SLC23A2: variants seen among roughly 807,000 people sequenced by gnomAD.
The protein encoded by SLC23A2 is solute carrier family 23 member 2, also known as Na(+)/L-ascorbic acid transporter 2.
In SLC23A2, 36 loss-of-function variants were observed where a neutral mutation model predicts 73.3. The ratio of observed to expected loss-of-function variants is 0.49; its 90% CI spans 0.38 to 0.65. The LOEUF is 0.65. SLC23A2 is among the 30% of genes least tolerant of loss of function. SLC23A2 has a pLI of 0.00. For synonymous variants in SLC23A2, 343 were observed against 327.3 expected, an observed-to-expected ratio of 1.05 and a Z score of -0.52; for missense variants, 507 against 841.6, an observed-to-expected ratio of 0.60 and a Z score of 4.92.
chr20:4,878,018 C>A (rs1216533340), intron 9 of SLC23A2, among the ~76,000 whole-genome samples: 1 of 152,206 alleles, frequency 6.6e-6, no homozygotes, highest in African/African-American at 2.4e-5. Flanking sequence ...GGAGGATAAA[C>A]CTTTTTCACA....
chr20:4,923,209 C>A (rs1486828456), intron 3 of SLC23A2, among the ~76,000 whole-genome samples: 5 of 149,052 alleles, frequency 3.4e-5, no homozygotes, highest in Non-Finnish European at 7.4e-5. Flanking sequence ...GAGTTCGAGA[C>A]CAGCCTGGGC....
Position 4,951,906 on chromosome 20 carries a change from C to T in SLC23A2, c.-155+18887G>A, listed in dbSNP as rs190762166. On this transcript the variant is annotated intron_variant, in intron 2 of 16. Coordinates refer to ENST00000338244, the MANE Select transcript of SLC23A2 (RefSeq NM_005116.6). Reference sequence around the variant, plus strand: ...TCACCTAAGGTCAGGAGTTTGAGACCAGCCTGGCCAACACAGTGAAATCCC... The same window carrying T: ...TCACCTAAGGTCAGGAGTTTGAGACTAGCCTGGCCAACACAGTGAAATCCC... Among the ~76,000 whole-genome samples, 433 of 151,802 alleles carry T rather than the reference C, an allele frequency of 2.9e-3. 5 individuals are homozygous for T. Among genetic ancestry groups the T allele is most frequent in the Non-Finnish European group, 3.7e-3 (250 of 67,924 alleles).
At chr20:4,986,088 T>C (rs574483498) in intron 1 of SLC23A2, among the ~76,000 whole-genome samples, 1 of 152,262 alleles carries the variant, frequency 6.6e-6, no homozygotes, top group Admixed American at 6.5e-5. Context: ...TCAAAGGCCT[T>C]ACTTAAAGGT....
intron 1 of SLC23A2, among the ~76,000 whole-genome samples, chr20:4,991,223 A>G (rs2122325713): frequency 6.6e-6 from 1 of 152,050 alleles, no homozygotes; most frequent in East Asian, 1.9e-4. Context: ...TCTTCCCACA[A>G]TCAGCCTCCC....
intron 3 of SLC23A2, among the ~76,000 whole-genome samples, chr20:4,916,152 G>A (rs950231189): frequency 6.6e-6 from 1 of 152,122 alleles, no homozygotes; most frequent in Admixed American, 6.5e-5. Context: ...TGGCTGCTGG[G>A]AGGATACACA....
chr20:4,980,672 AGGTGG>A (rs2087712597), intron 1 of SLC23A2, among the ~76,000 whole-genome samples: 1 of 151,944 alleles, frequency 6.6e-6, no homozygotes, highest in Admixed American at 6.6e-5. Flanking sequence ...CTGGGATTAC[AGGTGG>A]CTGCCACCAC....
intron 2 of SLC23A2, among the ~76,000 whole-genome samples, chr20:4,956,227 CT>C (rs1370140186): frequency 6.6e-6 from 1 of 152,154 alleles, no homozygotes; most frequent in Non-Finnish European, 1.5e-5. Flanking sequence ...TCATTTCTGT[CT>C]TTCCAGATAA....
intron 3 of SLC23A2, among the ~76,000 whole-genome samples, chr20:4,914,830 C>T (rs756357321): frequency 6.6e-6 from 1 of 152,024 alleles, no homozygotes; most frequent in Non-Finnish European, 1.5e-5. Context: ...CACCTGAGGT[C>T]GGGAGTTCGA....
At chr20:4,938,232 T>G (rs2086990370) in intron 2 of SLC23A2, among the ~76,000 whole-genome samples, 1 of 151,732 alleles carries the variant, frequency 6.6e-6, no homozygotes, top group Admixed American at 6.6e-5. Flanking sequence ...TTGCCCAGGG[T>G]GGTCTTGAGC....
intron 2 of SLC23A2, among the ~76,000 whole-genome samples, chr20:4,949,780 G>T (rs1178172174): frequency 6.6e-6 from 1 of 152,150 alleles, no homozygotes; most frequent in East Asian, 1.9e-4. Flanking sequence ...GACACAAACA[G>T]ATAGTAATCA....
intron 9 of SLC23A2, among the ~76,000 whole-genome samples, chr20:4,882,740 C>T (rs1244466049): frequency 6.6e-6 from 1 of 152,182 alleles, no homozygotes; most frequent in Non-Finnish European, 1.5e-5. Flanking sequence ...ATACTATATA[C>T]AAGTGTTATA....
At position 4,998,121 on chromosome 20, in the gene SLC23A2, T is replaced by C. The variant is rs2088054661; in HGVS notation, c.-282+3285A>G. ...TGTGCTATTTTTGTTATGGCAGTGT[T>C]AGCAGACTCATATACCTTCCTCCCT... On this transcript the variant is annotated intron_variant, in intron 1 of 16. Transcript: ENST00000338244. This position sits in a 1 kb window ranked among gnomAD's most constrained non-coding sequence, Gnocchi z 4.1. Among the ~76,000 whole-genome samples, 1 of 152,292 alleles carries C rather than the reference T, an allele frequency of 6.6e-6. No homozygotes were observed. Among genetic ancestry groups the C allele is most frequent in the Non-Finnish European group, 1.5e-5 (1 of 68,016 alleles).
intron 7 of SLC23A2, among the ~76,000 whole-genome samples, chr20:4,885,309 G>T (rs1349527544): frequency 6.6e-6 from 1 of 152,194 alleles, no homozygotes; most frequent in African/African-American, 2.4e-5. Context: ...TGAGAGTACA[G>T]GTCTGACTCT....
intron 2 of SLC23A2, among the ~76,000 whole-genome samples, chr20:4,941,510 C>A (rs190389877): frequency 6.6e-6 from 1 of 152,066 alleles, no homozygotes; most frequent in Admixed American, 6.6e-5. Flanking sequence ...CGAAACCAGC[C>A]TGGCCAACAT....
chr20:4,886,445 T>C (rs901006722), intron 6 of SLC23A2, among the ~76,000 whole-genome samples: 3 of 152,216 alleles, frequency 2.0e-5, no homozygotes, highest in African/African-American at 7.2e-5. Flanking sequence ...AGTTACAACG[T>C]GACAGCAGAT....
At chr20:4,952,483 C>G (rs2087218472) in intron 2 of SLC23A2, among the ~76,000 whole-genome samples, 1 of 151,974 alleles carries the variant, frequency 6.6e-6, no homozygotes, top group Non-Finnish European at 1.5e-5. Flanking sequence ...GTGTGAAAGC[C>G]AAACAAGATA....
intron 9 of SLC23A2, among the ~76,000 whole-genome samples, chr20:4,875,651 C>A (rs916003984): frequency 6.6e-6 from 1 of 152,196 alleles, no homozygotes; most frequent in South Asian, 2.1e-4. Flanking sequence ...TCCTGACACA[C>A]CAGTCCATGA....
At chr20:4,983,938 A>G (rs545322865) in intron 1 of SLC23A2, among the ~76,000 whole-genome samples, 163 of 152,070 alleles carry the variant, frequency 1.1e-3, no homozygotes, top group African/African-American at 3.7e-3. Flanking sequence ...CCTGGGCAAC[A>G]AGAGTAAAAC....
intron 1 of SLC23A2, among the ~76,000 whole-genome samples, chr20:4,995,010 C>T (rs989885753): frequency 2.0e-5 from 3 of 152,070 alleles, no homozygotes; most frequent in South Asian, 2.1e-4. Flanking sequence ...GCAGTGCTTT[C>T]GGTCTGAAGC....
Sources: allele counts gnomAD v4.1 joint callset (sites outside exome capture counted in the v4.1 genomes callset), GRCh38; gene constraint gnomAD v4.1.1; non-coding constraint Gnocchi (gnomAD v3.1); transcripts MANE v1.5; gene names NCBI Gene and HGNC (gene_info 2026-07-23, HGNC 2026-07-21).